The following KDM2B variants were observed in gnomAD, a reference collection of about 807,000 sequenced individuals.
The protein encoded by KDM2B is lysine-specific demethylase 2B.
A neutral mutation model predicts 150.0 loss-of-function variants in KDM2B; 26 were observed. The ratio of observed to expected loss-of-function variants is 0.17; its 90% CI spans 0.13 to 0.24. The LOEUF is 0.24. Among genes scored for constraint, KDM2B ranks in the 10% least tolerant of loss-of-function variants. The pLI, the probability that KDM2B is intolerant of heterozygous loss-of-function variation, is 1.00. For synonymous variants in KDM2B, 734 were observed against 729.5 expected (o/e 1.01, Z -0.10); for missense variants, 1,265 against 1,816.9 (o/e 0.70, Z 5.52).
At chr12:121,486,970 CG>C (rs1248358259) in intron 12 of KDM2B, among the ~76,000 whole-genome samples, 1 of 151,078 alleles carries the variant, frequency 6.6e-6, no homozygotes, top group Admixed American at 6.6e-5. Flanking sequence ...GAGACCCCCC[CG>C]ATACAAAAAA....
chr12:121,520,908 G>T lies in KDM2B; in HGVS notation c.1047+77C>A. 1 of 1,001,614 alleles carries T rather than the reference G, an allele frequency of 1.0e-6. No homozygotes were observed. The highest frequency in any genetic ancestry group is 1.5e-6 in the Non-Finnish European group (1 of 658,304). 62.0% of individuals were successfully genotyped at this position (1,001,614 alleles called of 1,614,324 possible). ...GGGGAACTGTGGAGGACTTCAGTAT[G>T]ACCTGTCCCACACACCGAGCACCGG... On this transcript the variant is annotated intron_variant, in intron 9 of 22. Transcript: ENST00000377071. This position sits in a 1 kb window ranked among gnomAD's most constrained non-coding sequence, Gnocchi z 4.5.
At chr12:121,413,872 G>T in the KDM2B span, among the ~76,000 whole-genome samples, 321 of 152,212 alleles carry the variant, frequency 2.1e-3, 3 homozygotes, top group African/African-American at 7.4e-3. Flanking sequence ...ACCGCGCCCG[G>T]CTTCACCTGA....
intron 12 of KDM2B, among the ~76,000 whole-genome samples, chr12:121,454,339 T>G (rs1877874145): frequency 6.6e-6 from 1 of 152,188 alleles, no homozygotes; most frequent in Admixed American, 6.5e-5. Flanking sequence ...TACTCAGATC[T>G]TCCCTAGATG....
intron 4 of KDM2B, among the ~76,000 whole-genome samples, chr12:121,558,443 C>CCT (rs1890061990): frequency 6.8e-6 from 1 of 146,144 alleles, no homozygotes; most frequent in African/African-American, 2.6e-5. Context: ...GCCTGTGTTT[C>CCT]CTTTTCTTTT....
At chr12:121,559,238 G>A (rs1430045633) in intron 4 of KDM2B, among the ~76,000 whole-genome samples, 3 of 152,116 alleles carry the variant, frequency 2.0e-5, no homozygotes, top group African/African-American at 7.2e-5. Context: ...ACCGTCTTAG[G>A]AGCAGAAGGT....
chr12:121,510,796 AAATAATAAT>A (rs58239095), intron 10 of KDM2B, among the ~76,000 whole-genome samples: 26 of 146,436 alleles, frequency 1.8e-4, no homozygotes, highest in Admixed American at 1.7e-3. Context: ...CTGTCTCAAA[AAATAATAAT>A]AATAATAATA....
At chr12:121,438,079 C>G (rs1247312767) in intron 22 of KDM2B, among the ~76,000 whole-genome samples, 1 of 151,550 alleles carries the variant, frequency 6.6e-6, no homozygotes, top group African/African-American at 2.4e-5. Flanking sequence ...CATGGTGAAA[C>G]CTCATCTCTA....
intron 11 of KDM2B, among the ~76,000 whole-genome samples, chr12:121,498,096 AAAATAAAT>A (rs547947681): frequency 2.0e-5 from 3 of 152,040 alleles, no homozygotes; most frequent in African/African-American, 4.8e-5. Flanking sequence ...ACTTTGTCTC[AAAATAAAT>A]AAATAAATAA....
chr12:121,461,651 G>A (rs1207023198), intron 12 of KDM2B, among the ~76,000 whole-genome samples: 15 of 152,256 alleles, frequency 9.9e-5, no homozygotes, highest in Non-Finnish European at 1.5e-4. Context: ...GCTCGGGAGA[G>A]GGGAAGAAAC....
intron 4 of KDM2B, among the ~76,000 whole-genome samples, chr12:121,550,796 GA>G (rs1456904990): frequency 6.6e-6 from 1 of 152,062 alleles, no homozygotes; most frequent in African/African-American, 2.4e-5. Context: ...AACTGGCCTA[GA>G]TTTTTTTTTC....
At chr12:121,494,974 T>C (rs1165841638) in intron 11 of KDM2B, among the ~76,000 whole-genome samples, 1 of 151,418 alleles carries the variant, frequency 6.6e-6, no homozygotes, top group East Asian at 1.9e-4. Flanking sequence ...GTCCAGAGCG[T>C]CGGGGACTCA....
rs782438914 is a variant in KDM2B at position 121,440,960 on chromosome 12, G to C, written c.3466C>G (p.Leu1156Val). 1.9e-6 allele frequency: 3 copies of C among 1,613,978 alleles called. No individual in the cohort carries two copies. In the South Asian group the frequency reaches 3.3e-5, roughly 18 times the overall value. ...ACCGCGATCCATGAGCAGCCTGACA[G>C]CACCAAGTCCCGGAGCCCTGGGGGG... is the stretch of plus-strand genomic sequence containing the variant. ...NRLPGLRDLVLSGCSWIAVSA... is the reference protein window; with the variant it reads ...NRLPGLRDLVVSGCSWIAVSA... The change falls in exon 21 of 23, where the codon CTG (leucine) becomes GTG (valine). Residue 1156 changes from leucine to valine, a missense_variant. Leu to Val is a conservative substitution (Grantham distance 32, BLOSUM62 1). This residue lies in a region of KDM2B where 251 missense variants were observed against 397.8 expected (regional missense o/e 0.63). Transcript: ENST00000377071.
At chr12:121,579,545 C>A (rs979192874) in intron 1 of KDM2B, 2 of 1,210,020 alleles carry the variant, frequency 1.7e-6, no homozygotes, top group East Asian at 5.7e-5. Context: ...GGAGGAGAAT[C>A]GGGGCTTGGA....
chr12:121,534,078 A>T (rs189679886), intron 7 of KDM2B, among the ~76,000 whole-genome samples: 2 of 152,140 alleles, frequency 1.3e-5, no homozygotes, highest in Admixed American at 1.3e-4. Context: ...AGCCGGGCAC[A>T]GTGGCTCACG....
chr12:121,517,532 A>C (rs767142583), intron 9 of KDM2B, among the ~76,000 whole-genome samples: 35 of 149,808 alleles, frequency 2.3e-4, no homozygotes, highest in Non-Finnish European at 4.5e-4. Flanking sequence ...GCAGTGGCTC[A>C]ATCTAAGCAC....
rs139167464 is a variant in KDM2B at position 121,529,759 on chromosome 12, G to A, written c.931+3047C>T. Among the ~76,000 whole-genome samples the A allele has an allele frequency of 7.7e-3, 1,168 of 151,830 alleles. 11 individuals carry two copies. The highest frequency in any genetic ancestry group is 0.027 in the African/African-American group (1,121 of 41,390). On this transcript the variant is annotated intron_variant, in intron 8 of 22. Coordinates refer to ENST00000377071, the MANE Select transcript of KDM2B (RefSeq NM_032590.5). ...TGCCTGGACAACATGGCAAAACCCC[G>A]TTGCTACTAAAAATACAAAAATTAG...
intron 7 of KDM2B, 124 bp downstream of exon 7, chr12:121,534,373 T>C: frequency 2.9e-6 from 2 of 694,648 alleles, no homozygotes; most frequent in Non-Finnish European, 2.5e-6. Flanking sequence ...AGAGTAATCC[T>C]TAAAGTACTC....
intron 11 of KDM2B, among the ~76,000 whole-genome samples, chr12:121,496,135 T>C (rs918589275): frequency 6.6e-6 from 1 of 151,938 alleles, no homozygotes; most frequent in Admixed American, 6.6e-5. Context: ...TACCCCAAAC[T>C]ATGAAGACAG....
At chr12:121,563,908 T>TA (rs1253262358) in intron 4 of KDM2B, among the ~76,000 whole-genome samples, 2 of 148,684 alleles carry the variant, frequency 1.3e-5, no homozygotes, top group South Asian at 2.1e-4. Flanking sequence ...AAAAAAAAAT[T>TA]AAAAAAAAAG....
Sources: allele counts gnomAD v4.1 joint callset (sites outside exome capture counted in the v4.1 genomes callset), GRCh38; gene constraint gnomAD v4.1.1; regional missense constraint gnomAD v4.1.1; non-coding constraint Gnocchi (gnomAD v3.1); transcripts MANE v1.5; gene names NCBI Gene and HGNC (gene_info 2026-07-23, HGNC 2026-07-21).